The following SLFN12L variants were observed in gnomAD, a reference collection of about 807,000 sequenced individuals.
SLFN12L encodes the protein schlafen family member 12 like, also known as schlafen family member 12-like.
A neutral mutation model predicts 34.8 loss-of-function variants in SLFN12L; 34 were observed. The ratio of observed to expected loss-of-function variants is 0.98; its 90% CI spans 0.74 to 1.30. The LOEUF (loss-of-function observed/expected upper bound fraction) is 1.30, where lower values mean the gene tolerates loss of function less well. SLFN12L is among the 50% of genes most tolerant of loss of function. The pLI is 0.00. For synonymous variants in SLFN12L, 259 were observed against 247.5 expected (o/e 1.05, Z -0.44); for missense variants, 703 against 696.2 (o/e 1.01, Z -0.11).
At chr17:35,517,885 C>A (rs560165526) in intron 2 of SLFN12L, among the ~76,000 whole-genome samples, 2 of 152,272 alleles carry the variant, frequency 1.3e-5, no homozygotes, top group South Asian at 2.1e-4. Context: ...TACACCTATA[C>A]AAAAATTAAC....
intron 2 of SLFN12L, among the ~76,000 whole-genome samples, chr17:35,510,572 A>C (rs1457324667): frequency 2.6e-5 from 4 of 152,170 alleles, no homozygotes; most frequent in African/African-American, 4.8e-5. Context: ...CAGAGAGGAG[A>C]GGAGACGTTG....
intron 2 of SLFN12L, among the ~76,000 whole-genome samples, chr17:35,491,932 T>C (rs113826653): frequency 3.0e-3 from 462 of 152,336 alleles, no homozygotes; most frequent in African/African-American, 0.011. Flanking sequence ...CTCTAAGCTG[T>C]TGTGGATTTT....
intron 2 of SLFN12L, among the ~76,000 whole-genome samples, chr17:35,481,268 G>C (rs1182701078): frequency 6.6e-6 from 1 of 152,180 alleles, no homozygotes; most frequent in Non-Finnish European, 1.5e-5. Flanking sequence ...CCCCGGGGGA[G>C]TTAGAGAAGA....
intron 2 of SLFN12L, among the ~76,000 whole-genome samples, chr17:35,491,612 C>A (rs1012943510): frequency 6.6e-6 from 1 of 152,228 alleles, no homozygotes; most frequent in Admixed American, 6.5e-5. Flanking sequence ...GTCTGGCCAC[C>A]TGGCCTGCTG....
chr17:35,526,339 C>T lies in SLFN12L; in HGVS notation c.-605-3370G>A, dbSNP rs541473179. ...ACAAGGATATTCAGGACTTCAACTC[C>T]GCTCTGAACCAAGCGGATCTAATAG... On this transcript the variant is annotated intron_variant, in intron 1 of 4. Coordinates refer to ENST00000628453, the MANE Select transcript of SLFN12L (RefSeq NM_001363830.2). 1.1e-4 allele frequency among the ~76,000 whole-genome samples: 17 copies of T among 152,212 alleles called. No homozygotes were observed. In the South Asian group the frequency reaches 1.4e-3, roughly 13 times the overall value.
At chr17:35,502,732 T>G (rs1915342120) in intron 2 of SLFN12L, among the ~76,000 whole-genome samples, 1 of 152,188 alleles carries the variant, frequency 6.6e-6, no homozygotes, top group Admixed American at 6.5e-5. Context: ...AAGTTAACAG[T>G]GTAACATGTA....
At chr17:35,503,367 T>C (rs1277476190) in intron 2 of SLFN12L, among the ~76,000 whole-genome samples, 1 of 152,148 alleles carries the variant, frequency 6.6e-6, no homozygotes, top group Non-Finnish European at 1.5e-5. Flanking sequence ...ACAAAGATTA[T>C]AAAAGGTTAA....
chr17:35,535,402 G>T (rs1012124227), intron 1 of SLFN12L, among the ~76,000 whole-genome samples: 1 of 149,952 alleles, frequency 6.7e-6, no homozygotes, highest in South Asian at 2.1e-4. Context: ...TCTCCACGTT[G>T]TTCAGGCTGG....
rs998334516 is a variant in SLFN12L, at chr17:35,491,196, T to C, written c.87-11001A>G. The C allele has an allele frequency of 1.4e-5, 14 of 1,035,082 alleles. No individual in the cohort carries two copies. In the African/African-American group the frequency reaches 1.8e-4, roughly 13 times the overall value. 64.1% of individuals were successfully genotyped at this position (1,035,082 alleles called of 1,614,324 possible). On this transcript the variant is annotated intron_variant, in intron 2 of 4. Transcript: ENST00000628453. Reference sequence around the variant, plus strand: ...GCATCAGCGATCTCTTTGATGCCTATGATTTGGAAAAGCTCCCACTGGTGG... The same window carrying C: ...GCATCAGCGATCTCTTTGATGCCTACGATTTGGAAAAGCTCCCACTGGTGG...
intron 4 of SLFN12L, among the ~76,000 whole-genome samples, chr17:35,475,824 C>T (rs933540790): frequency 2.6e-5 from 4 of 151,908 alleles, no homozygotes; most frequent in Non-Finnish European, 5.9e-5. Flanking sequence ...CACTTGAGCC[C>T]AGGAAGTTGA....
chr17:35,498,322 C>T, intron 2 of SLFN12L: 1 of 880,652 alleles, frequency 1.1e-6, no homozygotes, highest in Non-Finnish European at 2.0e-6. Flanking sequence ...CTGCGGCTGC[C>T]ACAGACTGCT....
rs1597822194 is a variant in SLFN12L at position 35,468,378 on chromosome 17, A to G, written c.*6545T>C. Among the ~76,000 whole-genome samples, 2 of 152,140 alleles carry G rather than the reference A, an allele frequency of 1.3e-5. No individual in the cohort carries two copies. Among genetic ancestry groups the G allele is most frequent in the Non-Finnish European group, 2.9e-5 (2 of 68,018 alleles). ...ACTCAAGACCCATATCCTAGATGACATTTTCCTGGATAGGCACTCACTGCT... is the reference window on the plus strand; with the variant it reads ...ACTCAAGACCCATATCCTAGATGACGTTTTCCTGGATAGGCACTCACTGCT... On this transcript the variant is annotated 3_prime_UTR_variant, in exon 5 of 5. Coordinates refer to ENST00000628453, the MANE Select transcript of SLFN12L (RefSeq NM_001363830.2).
At chr17:35,476,877 A>G (rs566993657) in intron 4 of SLFN12L, among the ~76,000 whole-genome samples, 25 of 152,348 alleles carry the variant, frequency 1.6e-4, no homozygotes, top group Middle Eastern at 3.4e-3. Context: ...ATACAAAATT[A>G]AGAGACAGGA....
chr17:35,496,276 G>A (rs1413997697), intron 2 of SLFN12L, among the ~76,000 whole-genome samples: 1 of 152,000 alleles, frequency 6.6e-6, no homozygotes, highest in East Asian at 1.9e-4. Context: ...ATGAGCCCAG[G>A]AAATCAAGGC....
At position 35,466,870 on chromosome 17, in the gene SLFN12L, A is replaced by G. The variant is rs184206879; in HGVS notation, c.*8053T>C. The stretch of plus-strand genomic sequence containing the variant: ...TATGCCATTAAAACCACAAATGACT[A>G]GCTCCATACTGGGCTCTCCTGGACA... On this transcript the variant is annotated 3_prime_UTR_variant, in exon 5 of 5. Transcript: ENST00000628453. 1.2e-4 allele frequency among the ~76,000 whole-genome samples: 18 copies of G among 152,302 alleles called. No individual in the cohort carries two copies. The East Asian group carries it at 3.5e-3, about 29-fold the overall frequency.
chr17:35,528,662 C>G, intron 1 of SLFN12L, among the ~76,000 whole-genome samples: 1 of 152,060 alleles, frequency 6.6e-6, no homozygotes, highest in East Asian at 1.9e-4. Context: ...GAAAGTGGAC[C>G]CCTTCCTTAT....
rs1913698746 is a variant in SLFN12L at position 35,464,978 on chromosome 17, G to A, written c.*9945C>T. Among the ~76,000 whole-genome samples, 1 of 152,200 alleles carries A rather than the reference G, an allele frequency of 6.6e-6. No homozygotes were observed. Among genetic ancestry groups the A allele is most frequent in the South Asian group, 2.1e-4 (1 of 4,826 alleles). On this transcript the variant is annotated 3_prime_UTR_variant, in exon 5 of 5. Transcript: ENST00000628453. ...TGCAACCCCCGCCTCCCAGGTTCAA[G>A]TGATTCTCCTGCCTCAGCTTCCCAA...
chr17:35,466,060 A>G lies in SLFN12L; in HGVS notation c.*8863T>C, dbSNP rs1913715680. Among the ~76,000 whole-genome samples the G allele has an allele frequency of 6.6e-6, 1 of 152,000 alleles. No homozygotes were observed. The highest frequency in any genetic ancestry group is 1.5e-5 in the Non-Finnish European group (1 of 68,012). On this transcript the variant is annotated 3_prime_UTR_variant, in exon 5 of 5. Transcript: ENST00000628453. ...AAGTACAAAGATTTTCCATATACCC[A>G]CTGCCCGCACTCATGCATAGCCTCC...
At chr17:35,519,068 C>T (rs908884278) in intron 2 of SLFN12L, among the ~76,000 whole-genome samples, 4 of 152,156 alleles carry the variant, frequency 2.6e-5, no homozygotes, top group Admixed American at 2.6e-4. Context: ...AGCCATGATT[C>T]TCAGCAAACT....
Sources: gnomAD v4.1 joint callset for allele counts (sites outside exome capture counted in the v4.1 genomes callset) on GRCh38, gnomAD v4.1.1 for gene constraint, MANE v1.5 for transcripts, NCBI Gene and HGNC (gene_info 2026-07-23, HGNC 2026-07-21) for gene names.